Variants in NHERF2 observed in about 807,000 individuals in gnomAD.
NHERF2 encodes the protein Na(+)/H(+) exchange regulatory cofactor NHE-RF2.
the NHERF2 span, among the ~76,000 whole-genome samples, chr16:2,033,587 CT>C: frequency 6.6e-6 from 1 of 152,314 alleles, no homozygotes; most frequent in African/African-American, 2.4e-5. Context: ...GCGTCACCAT[CT>C]GGGGGGGTGC....
chr16:2,037,409 A>G, the NHERF2 span: 3 of 906,436 alleles, frequency 3.3e-6, no homozygotes, highest in Admixed American at 2.0e-5. Context: ...TCTGGAGTCC[A>G]CCAGAGGCCC....
the NHERF2 span, chr16:2,027,242 G>GCCCGCCGC: frequency 8.0e-7 from 1 of 1,250,378 alleles, no homozygotes; most frequent in Non-Finnish European, 1.0e-6. Flanking sequence ...CTCGCCCCCG[G>GCCCGCCGC]CCCGCCGCCC....
chr16:2,038,110 C>G, the NHERF2 span: 11 of 1,258,376 alleles, frequency 8.7e-6, no homozygotes, highest in Non-Finnish European at 1.2e-5. Flanking sequence ...GAAATCAGCC[C>G]CAGCCCCGGT....
the NHERF2 span, chr16:2,036,918 TGGTGGCTGAGCA>T: frequency 1.3e-6 from 2 of 1,584,050 alleles, no homozygotes; most frequent in Non-Finnish European, 1.7e-6. Flanking sequence ...GGGTGCGGTG[TGGTGGCTGAGCA>T]GCCACTGACA....
At chr16:2,036,518 G>A in the NHERF2 span, 17 of 1,569,502 alleles carry the variant, frequency 1.1e-5, no homozygotes, top group Non-Finnish European at 1.5e-5. Flanking sequence ...CGGCCCACCA[G>A]GGCTGCGGGG....
At chr16:2,033,682 C>T in the NHERF2 span, among the ~76,000 whole-genome samples, 9 of 152,088 alleles carry the variant, frequency 5.9e-5, no homozygotes, top group South Asian at 2.1e-4. Context: ...TGCTGGCCGC[C>T]GGCAGGGAGG....
chr16:2,033,482 C>T, the NHERF2 span: 3 of 1,492,862 alleles, frequency 2.0e-6, no homozygotes, highest in East Asian at 2.5e-5. Context: ...GGCAGCCGCT[C>T]AGCCTCCCGG....
the NHERF2 span, chr16:2,027,328 G>A: frequency 1.0e-5 from 6 of 581,434 alleles, no homozygotes; most frequent in Non-Finnish European, 1.5e-5. Flanking sequence ...GGAGGACGCG[G>A]ACGTTGTCGG....
chr16:2,027,189 G>A, the NHERF2 span: 4 of 1,447,638 alleles, frequency 2.8e-6, no homozygotes, highest in East Asian at 3.0e-5. Context: ...GGTCAACGGC[G>A]TCAACGTGGA....
the NHERF2 span, chr16:2,036,906 G>A: frequency 6.3e-7 from 1 of 1,592,596 alleles, no homozygotes; most frequent in Non-Finnish European, 8.5e-7. Flanking sequence ...AGGGCACAGG[G>A]TGGGTGCGGT....
At chr16:2,035,741 A>G in the NHERF2 span, 1 of 942,532 alleles carries the variant, frequency 1.1e-6, no homozygotes, top group African/African-American at 1.8e-5. Context: ...CCTTCCGGGC[A>G]CCAGGAGGCC....
chr16:2,028,682 C>T, the NHERF2 span, among the ~76,000 whole-genome samples: 1 of 152,138 alleles, frequency 6.6e-6, no homozygotes, highest in South Asian at 2.1e-4. Flanking sequence ...GGCTCAGTCC[C>T]TCCTATCTGT....
At chr16:2,033,458 G>A in the NHERF2 span, 2 of 1,502,922 alleles carry the variant, frequency 1.3e-6, no homozygotes. Context: ...AGGAAGGGAG[G>A]GCTAGGAGGA....
the NHERF2 span, chr16:2,029,453 G>T: frequency 1.2e-6 from 1 of 839,152 alleles, no homozygotes; most frequent in Non-Finnish European, 1.9e-6. Flanking sequence ...CAGGCCTCTT[G>T]GTGCAGCCAC....
chr16:2,033,827 C>T, the NHERF2 span, among the ~76,000 whole-genome samples: 20 of 152,194 alleles, frequency 1.3e-4, no homozygotes, highest in African/African-American at 3.4e-4. Flanking sequence ...CCCTTCCCCA[C>T]GAGCCCATGT....
chr16:2,034,944 G>T, the NHERF2 span, among the ~76,000 whole-genome samples: 2 of 152,240 alleles, frequency 1.3e-5, no homozygotes, highest in African/African-American at 4.8e-5. Flanking sequence ...GTCTGGGGGA[G>T]GAGTGAGTCT....
the NHERF2 span, chr16:2,029,884 T>C: frequency 9.6e-7 from 1 of 1,044,962 alleles, no homozygotes; most frequent in Non-Finnish European, 1.4e-6. Context: ...GAAGTCTTGG[T>C]CTCTTCTGCC....
the NHERF2 span, chr16:2,036,468 C>T: frequency 3.5e-3 from 5,629 of 1,601,318 alleles, 16 homozygotes; most frequent in Middle Eastern, 8.3e-3. Flanking sequence ...ACCTGCCGCC[C>T]GCTCTGGCCT....
chr16:2,032,932 A>G, the NHERF2 span: 1 of 1,078,874 alleles, frequency 9.3e-7, no homozygotes, highest in Non-Finnish European at 1.1e-6. The surrounding 1 kb of genome is among the most constrained non-coding windows in gnomAD (Gnocchi z 4.0). Context: ...GAGGGGTGAC[A>G]GTTCTGCGGG....
Sources: allele counts gnomAD v4.1 joint callset (sites outside exome capture counted in the v4.1 genomes callset), GRCh38; gene constraint gnomAD v4.1.1; non-coding constraint Gnocchi (gnomAD v3.1); transcripts MANE v1.5; gene names NCBI Gene and HGNC (gene_info 2026-07-23, HGNC 2026-07-21).